Variants in ANHX observed in about 807,000 individuals in gnomAD.
ANHX encodes anomalous homeobox protein.
A neutral mutation model predicts 38.9 loss-of-function variants in ANHX; 20 were observed. The observed-to-expected ratio is 0.51, with a 90% CI of 0.36 to 0.75. The LOEUF (loss-of-function observed/expected upper bound fraction) is 0.75, where lower values mean the gene tolerates loss of function less well. Among genes scored for constraint, ANHX ranks in the 30% least tolerant of loss-of-function variants. ANHX has a pLI of 0.00. For missense variants in ANHX, 475 were observed against 493.1 expected (o/e 0.96, Z 0.35); for synonymous variants, 185 against 203.1 (o/e 0.91, Z 0.76).
At chr12:133,226,875 T>C in intron 5 of ANHX, 61 bp downstream of exon 5, 19 of 1,428,346 alleles carry the variant, frequency 1.3e-5, no homozygotes, top group Non-Finnish European at 1.8e-5. Context: ...TACCTAGGCC[T>C]GGCCCTTGTC....
Position 133,219,293 on chromosome 12 carries a change from G to A in ANHX, c.1355C>T (p.Pro452Leu), listed in dbSNP as rs1306993643. ...VSAMELSQAL[P>L]SSQVQCSDSQ... Reference sequence around the variant, plus strand: ...ATAGGGAAGCCTCACCTGGCTGGAGGGCAGGGCCTGGCTCAGCTCCATGGC... The same window carrying A: ...ATAGGGAAGCCTCACCTGGCTGGAGAGCAGGGCCTGGCTCAGCTCCATGGC... The change falls in exon 9 of 10, where the codon CCC becomes CTC. Residue 452 changes from proline (P) to leucine (L), a missense_variant. By Grantham distance (98) the Pro-to-Leu change is moderately conservative (BLOSUM62 -3). Transcript: ENST00000545940. 6.5e-7 allele frequency: 1 copy of A among 1,535,354 alleles called. No homozygotes were observed.
chr12:133,221,441 G>A lies in ANHX; in HGVS notation c.1133-89C>T, dbSNP rs926743751. 30 of 1,405,608 alleles carry A rather than the reference G, an allele frequency of 2.1e-5. No homozygotes were observed. The highest frequency in any genetic ancestry group is 5.1e-4 in the Middle Eastern group (2 of 3,898). 87.1% of individuals were successfully genotyped at this position (1,405,608 alleles called of 1,614,324 possible). On this transcript the variant is annotated intron_variant, in intron 7 of 9. Coordinates refer to ENST00000545940, the MANE Select transcript of ANHX (RefSeq NM_001372060.1). This position sits in a 1 kb window ranked among gnomAD's most constrained non-coding sequence, Gnocchi z 4.1. Reference sequence around the variant, plus strand: ...AACCAAGACCTCAAAGCACGGAGGCGGATGCAGCCTCCGGCCCAGCCAGCC... The same window carrying A: ...AACCAAGACCTCAAAGCACGGAGGCAGATGCAGCCTCCGGCCCAGCCAGCC...
intron 7 of ANHX, among the ~76,000 whole-genome samples, 193 bp downstream of exon 7, chr12:133,225,343 A>T (rs1003481206): frequency 4.6e-5 from 7 of 151,744 alleles, no homozygotes; most frequent in African/African-American, 1.7e-4. Context: ...ACACACACAC[A>T]ATAAAACAGA....
intron 2 of ANHX, 48 bp from the exon 3 acceptor site, chr12:133,231,692 C>A (rs1176075515): frequency 1.3e-6 from 2 of 1,533,580 alleles, no homozygotes; most frequent in Non-Finnish European, 8.7e-7. Context: ...CACCCTGGAG[C>A]ACTGTTGGGA....
chr12:133,220,673 T>C (rs988493331), intron 8 of ANHX, among the ~76,000 whole-genome samples: 1 of 151,658 alleles, frequency 6.6e-6, no homozygotes, highest in African/African-American at 2.4e-5. Context: ...GCGGGTGCGA[T>C]AGCCTCCCCA....
intron 3 of ANHX, among the ~76,000 whole-genome samples, chr12:133,231,203 T>C (rs558642868): frequency 6.6e-6 from 1 of 152,314 alleles, no homozygotes; most frequent in South Asian, 2.1e-4. Context: ...GGGTGGATGC[T>C]GGGCAGAGAT....
chr12:133,221,429 A>G lies in ANHX; in HGVS notation c.1133-77T>C, dbSNP rs972314825. 7.6e-6 allele frequency: 11 copies of G among 1,454,416 alleles called. No individual in the cohort carries two copies. The highest frequency in any genetic ancestry group is 2.3e-5 in the Admixed American group (1 of 43,210). The allele number at this position is 1,454,416 out of a possible 1,614,324, so 90.1% of individuals were successfully genotyped here. A position where few individuals can be genotyped will look rare whatever the true frequency, so the allele number is the denominator to read the frequency against. ...CACGTGTGACACAACCAAGACCTCA[A>G]AGCACGGAGGCGGATGCAGCCTCCG... On this transcript the variant is annotated intron_variant, in intron 7 of 9. Coordinates refer to ENST00000545940, the MANE Select transcript of ANHX (RefSeq NM_001372060.1). The surrounding 1 kb of genome is among the most constrained non-coding windows in gnomAD (Gnocchi z 4.1).
In ANHX at chr12:133,231,375, T is replaced by C; in HGVS notation, c.377+142A>G. 3 of 1,191,790 alleles carry C rather than the reference T, an allele frequency of 2.5e-6. No homozygotes were observed. In the South Asian group the frequency reaches 4.5e-5, roughly 18 times the overall value. 73.8% of individuals were successfully genotyped at this position (1,191,790 alleles called of 1,614,324 possible). ...TGAAGTCATCTTATGCTGACTACAC[T>C]GTGACTATTACTGCTCCGGCGGACA... is the stretch of plus-strand genomic sequence containing the variant. On this transcript the variant is annotated intron_variant, in intron 3 of 9. Coordinates refer to ENST00000545940, the MANE Select transcript of ANHX (RefSeq NM_001372060.1).
chr12:133,229,538 C>T (rs1957237904), intron 3 of ANHX, among the ~76,000 whole-genome samples: 1 of 152,114 alleles, frequency 6.6e-6, no homozygotes, highest in South Asian at 2.1e-4. Context: ...GCCATGTGTA[C>T]AGCCCATCAG....
At chr12:133,234,549 C>T in intron 1 of ANHX, 171 bp from the exon 2 acceptor site, 1 of 709,052 alleles carries the variant, frequency 1.4e-6, no homozygotes, top group East Asian at 2.8e-5. Context: ...CCATAGCATA[C>T]ACCCTCTAGA....
At position 133,219,277 on chromosome 12, in the gene ANHX, C is replaced by G. The variant is rs560486532; in HGVS notation, c.1365+6G>C. 6.4e-5 allele frequency: 98 copies of G among 1,534,336 alleles called. No individual in the cohort carries two copies. The highest frequency in any genetic ancestry group is 8.0e-5 in the Non-Finnish European group (92 of 1,146,130). ...GAATCCTTCAGTGCTCATAGGGAAG[C>G]CTCACCTGGCTGGAGGGCAGGGCCT... On this transcript the variant is annotated splice_donor_region_variant and intron_variant, in intron 9 of 9. Coordinates refer to ENST00000545940, the MANE Select transcript of ANHX (RefSeq NM_001372060.1).
At chr12:133,223,853 C>A (rs1275804740) in intron 7 of ANHX, among the ~76,000 whole-genome samples, 4 of 151,888 alleles carry the variant, frequency 2.6e-5, no homozygotes, top group Middle Eastern at 3.4e-3. Context: ...ACCCACCCCC[C>A]CAAAAAATAA....
chr12:133,230,103 A>C (rs543611809), intron 3 of ANHX, among the ~76,000 whole-genome samples: 2 of 152,310 alleles, frequency 1.3e-5, no homozygotes, highest in East Asian at 1.9e-4. Context: ...TCACTCTCTG[A>C]ATTATGTGAC....
chr12:133,221,471 C>T lies in ANHX; in HGVS notation c.1133-119G>A. 1 of 1,154,972 alleles carries T rather than the reference C, an allele frequency of 8.7e-7. No individual in the cohort carries two copies. Among genetic ancestry groups the T allele is most frequent in the Non-Finnish European group, 1.2e-6 (1 of 841,270 alleles). The allele number at this position is 1,154,972 out of a possible 1,614,324, so 71.5% of individuals were successfully genotyped here. On this transcript the variant is annotated intron_variant, in intron 7 of 9. Coordinates refer to ENST00000545940, the MANE Select transcript of ANHX (RefSeq NM_001372060.1). The surrounding 1 kb of genome is among the most constrained non-coding windows in gnomAD (Gnocchi z 4.1). ...CAGCCTCCGGCCCAGCCAGCCCGCG[C>T]CACGTGAACCAGACTCACGGTCCCT...
At chr12:133,229,706 T>A (rs1957241164) in intron 3 of ANHX, among the ~76,000 whole-genome samples, 1 of 152,086 alleles carries the variant, frequency 6.6e-6, no homozygotes, top group South Asian at 2.1e-4. Context: ...TCAGATGCCA[T>A]CCCTTCCTGA....
rs527765918 is a variant in ANHX, at chr12:133,224,728, G to T, written c.1132+808C>A. Among the ~76,000 whole-genome samples the T allele has an allele frequency of 1.1e-3, 169 of 150,022 alleles. 1 individual carries two copies. The highest frequency in any genetic ancestry group is 4.1e-3 in the African/African-American group (165 of 40,666). ...CGCCTGTAATCCCAGCACTTTGGGA[G>T]GCCGAGGCGGGCGGATCATGAGGTC... On this transcript the variant is annotated intron_variant, in intron 7 of 9. Coordinates refer to ENST00000545940, the MANE Select transcript of ANHX (RefSeq NM_001372060.1).
chr12:133,232,238 A>G (rs1233431518), intron 2 of ANHX, among the ~76,000 whole-genome samples: 1 of 44,856 alleles, frequency 2.2e-5, no homozygotes, highest in East Asian at 3.0e-3. Context: ...CATCCACTTA[A>G]CTGGACTTTG....
rs1486116198 is a variant in ANHX at position 133,226,983 on chromosome 12, C to T, written c.671G>A (p.Gly224Asp). ...AAACCCAGAGTCAACACGGGGGTTG[C>T]CTGAGGGCTGCAGGAGGTCAGGACC... ...ERGPDLLQPS[G>D]NPRVDSGFVD... Residue 224 changes from glycine to aspartate, a missense_variant, in exon 5 of 10, where the codon GGC becomes GAC. Gly to Asp is a moderately conservative substitution (Grantham distance 94). Coordinates refer to ENST00000545940, the MANE Select transcript of ANHX (RefSeq NM_001372060.1). 5.2e-6 allele frequency: 8 copies of T among 1,533,892 alleles called. No homozygotes were observed. Among genetic ancestry groups the T allele is most frequent in the Non-Finnish European group, 6.1e-6 (7 of 1,145,482 alleles).
At position 133,234,398 on chromosome 12, in the gene ANHX, C is replaced by G; in HGVS notation, c.-22-20G>C. The G allele has an allele frequency of 1.3e-6, 2 of 1,513,400 alleles. No homozygotes were observed. 93.7% of individuals were successfully genotyped at this position (1,513,400 alleles called of 1,614,324 possible). On this transcript the variant is annotated intron_variant, in intron 1 of 9. Coordinates refer to ENST00000545940, the MANE Select transcript of ANHX (RefSeq NM_001372060.1). Reference sequence around the variant, plus strand: ...GCCACTCTGCCAACACAAACAGTCACAAGAATGGCCACCACTGACCACGTC... The same window carrying G: ...GCCACTCTGCCAACACAAACAGTCAGAAGAATGGCCACCACTGACCACGTC...
Sources: allele counts gnomAD v4.1 joint callset (sites outside exome capture counted in the v4.1 genomes callset), GRCh38; gene constraint gnomAD v4.1.1; non-coding constraint Gnocchi (gnomAD v3.1); transcripts MANE v1.5; gene names NCBI Gene and HGNC (gene_info 2026-07-23, HGNC 2026-07-21).